NECTIN1: variants seen among roughly 807,000 people sequenced by gnomAD.
The protein encoded by NECTIN1 is nectin-1.
In NECTIN1, 23 loss-of-function variants were observed where a neutral mutation model predicts 48.0. The ratio of observed to expected loss-of-function variants is 0.48; its 90% confidence interval spans 0.34 to 0.68. The LOEUF (loss-of-function observed/expected upper bound fraction) is 0.68, where lower values mean the gene tolerates loss of function less well. Ranked by LOEUF, NECTIN1 falls within the 30% of genes least tolerant of loss-of-function variation. NECTIN1 has a pLI of 0.01. For synonymous variants in NECTIN1, 270 were observed against 288.9 expected (o/e 0.93, Z 0.66); for missense variants, 591 against 709.9 (o/e 0.83, Z 1.90).
chr11:119,694,544 A>G (rs1484141918), intron 1 of NECTIN1, among the ~76,000 whole-genome samples: 1 of 152,196 alleles, frequency 6.6e-6, no homozygotes, highest in Non-Finnish European at 1.5e-5. Context: ...CTCTCATTGC[A>G]GAAGGTTCCT....
chr11:119,661,408 G>C lies in NECTIN1; in HGVS notation c.*3339C>G. 1.0e-6 allele frequency: 1 copy of C among 986,080 alleles called. No homozygotes were observed. Among genetic ancestry groups the C allele is most frequent in the Non-Finnish European group, 1.2e-6 (1 of 830,086 alleles). 61.1% of individuals were successfully genotyped at this position (986,080 alleles called of 1,614,324 possible). A position where few individuals can be genotyped will look rare whatever the true frequency, so the allele number is the denominator to read the frequency against. On this transcript the variant is annotated 3_prime_UTR_variant, in exon 6 of 6. Coordinates refer to ENST00000264025, the MANE Select transcript of NECTIN1 (RefSeq NM_002855.5). ...CTCCTGGCATCCCCGGTACTGGGCA[G>C]TGTGTGAAGCCTCCCTGTGGGTGTG...
chr11:119,696,876 C>A (rs1285398995), intron 1 of NECTIN1, among the ~76,000 whole-genome samples: 1 of 152,182 alleles, frequency 6.6e-6, no homozygotes, highest in Non-Finnish European at 1.5e-5. Context: ...AGGGAAGAAC[C>A]AATGCTGAGG....
At position 119,727,038 on chromosome 11, in the gene NECTIN1, G is replaced by A. The variant is rs1456395950; in HGVS notation, c.79+1437C>T. ...CCCACCCCCCACATCGAGCAGGGCA[G>A]CACCCCAGGCTTCACGGGTGGAGGC... is the stretch of plus-strand genomic sequence containing the variant. On this transcript the variant is annotated intron_variant, in intron 1 of 5. Coordinates refer to ENST00000264025, the MANE Select transcript of NECTIN1 (RefSeq NM_002855.5). This position sits in a 1 kb window ranked among gnomAD's most constrained non-coding sequence, Gnocchi z 4.1. Among the ~76,000 whole-genome samples, 1 of 152,134 alleles carries A rather than the reference G, an allele frequency of 6.6e-6. No individual in the cohort carries two copies. Among genetic ancestry groups the A allele is most frequent in the African/African-American group, 2.4e-5 (1 of 41,436 alleles).
In NECTIN1 at chr11:119,664,111, A is replaced by G. The variant is rs1184610708; in HGVS notation, c.*636T>C. On this transcript the variant is annotated 3_prime_UTR_variant, in exon 6 of 6. Transcript: ENST00000264025. ...GGCCAATGAGGAAAAAAAATGTAAAACCACCCTCAGCAGGAAAACACTGCC... is the reference window on the plus strand; with the variant it reads ...GGCCAATGAGGAAAAAAAATGTAAAGCCACCCTCAGCAGGAAAACACTGCC... 4.1e-6 allele frequency: 4 copies of G among 985,658 alleles called. No individual in the cohort carries two copies. The African/African-American group carries it at 7.0e-5, about 17-fold the overall frequency. The allele number at this position is 985,658 out of a possible 1,614,324, so 61.1% of individuals were successfully genotyped here. A position where few individuals can be genotyped will look rare whatever the true frequency, so the allele number is the denominator to read the frequency against.
rs1247516936 is a variant in NECTIN1 at position 119,684,835 on chromosome 11, C to G, written c.80-6070G>C. On this transcript the variant is annotated intron_variant, in intron 1 of 5. Coordinates refer to ENST00000264025, the MANE Select transcript of NECTIN1 (RefSeq NM_002855.5). The surrounding 1 kb of genome is among the most constrained non-coding windows in gnomAD (Gnocchi z 5.2). ...GTTTTGCCAATCAGTGTCACCTAGA[C>G]TCCGATCATTCTGTCAGCAAAACCC... is the stretch of plus-strand genomic sequence containing the variant. 6.6e-6 allele frequency among the ~76,000 whole-genome samples: 1 copy of G among 152,090 alleles called. No homozygotes were observed. The highest frequency in any genetic ancestry group is 1.5e-5 in the Non-Finnish European group (1 of 68,002).
chr11:119,712,938 C>T (rs1335466147), intron 1 of NECTIN1: 1 of 152,216 alleles, frequency 6.6e-6, no homozygotes, highest in Non-Finnish European at 1.5e-5. Flanking sequence ...TGACTGACCT[C>T]ACCTAAAGCA....
chr11:119,689,695 A>G (rs941344234), intron 1 of NECTIN1, among the ~76,000 whole-genome samples: 1 of 152,206 alleles, frequency 6.6e-6, no homozygotes, highest in Non-Finnish European at 1.5e-5. Flanking sequence ...GGTGGGGGCC[A>G]CTGGAGCAAC....
chr11:119,660,750 G>A (rs1313069757), downstream of NECTIN1, among the ~76,000 whole-genome samples: 2 of 152,088 alleles, frequency 1.3e-5, no homozygotes, highest in African/African-American at 4.8e-5. Context: ...GTCTGTGGAC[G>A]CCCACCCCTC....
rs564233517 is a variant in NECTIN1, at chr11:119,700,098, T to C, written c.80-21333A>G. Among the ~76,000 whole-genome samples, 171 of 152,292 alleles carry C rather than the reference T, an allele frequency of 1.1e-3. 1 individual carries two copies. Among genetic ancestry groups the C allele is most frequent in the African/African-American group, 3.7e-3 (154 of 41,574 alleles). The stretch of plus-strand genomic sequence containing the variant: ...GATTCGAGGCCCTGAAACAGGACTC[T>C]ATGTCTCCTGCTGGGGTGAGGGCCC... On this transcript the variant is annotated intron_variant, in intron 1 of 5. Transcript: ENST00000264025.
intron 1 of NECTIN1, among the ~76,000 whole-genome samples, chr11:119,679,610 G>T (rs1210795644): frequency 6.6e-6 from 1 of 151,856 alleles, no homozygotes; most frequent in Admixed American, 6.6e-5. Flanking sequence ...ACCAGACTGG[G>T]CCCATCCTCA....
chr11:119,639,753 C>A, intron 6 of NECTIN1: 1 of 1,408,144 alleles, frequency 7.1e-7, no homozygotes, highest in Non-Finnish European at 9.9e-7. Flanking sequence ...GGTGGGGAGG[C>A]CCTAGAAAGG....
rs767104771 is a variant in NECTIN1 at position 119,672,167 on chromosome 11, C to T, written c.1003+2992G>A. 1.3e-4 allele frequency among the ~76,000 whole-genome samples: 20 copies of T among 151,588 alleles called. No homozygotes were observed. The South Asian group carries it at 1.7e-3, about 13-fold the overall frequency. On this transcript the variant is annotated intron_variant, in intron 5 of 5. Transcript: ENST00000264025. This position sits in a 1 kb window ranked among gnomAD's most constrained non-coding sequence, Gnocchi z 4.3. ...CACTGGAAATGTGAGTTGGGACAGA[C>T]GCCCTGCACCCTGGGATGGACATCC... is the stretch of plus-strand genomic sequence containing the variant.
downstream of NECTIN1, among the ~76,000 whole-genome samples, chr11:119,659,962 G>T (rs60008550): frequency 0.064 from 9,760 of 152,228 alleles, 976 homozygotes; most frequent in African/African-American, 0.21. Flanking sequence ...TCTAAACACA[G>T]CCCCTTCTAG....
At chr11:119,699,119 A>G (rs1865391205) in intron 1 of NECTIN1, among the ~76,000 whole-genome samples, 1 of 152,116 alleles carries the variant, frequency 6.6e-6, no homozygotes, top group Non-Finnish European at 1.5e-5. Context: ...CTCTGCAAAG[A>G]GCTAGGATCA....
intron 5 of NECTIN1, among the ~76,000 whole-genome samples, chr11:119,648,909 C>T (rs1304088142): frequency 6.6e-6 from 1 of 152,178 alleles, no homozygotes; most frequent in Admixed American, 6.5e-5. Flanking sequence ...CCTGGCCTCC[C>T]TTCCTGGGGC....
intron 1 of NECTIN1, among the ~76,000 whole-genome samples, chr11:119,716,374 C>T (rs1281603046): frequency 6.6e-6 from 1 of 152,076 alleles, no homozygotes; most frequent in Non-Finnish European, 1.5e-5. Context: ...TCCAGCGGTG[C>T]GAAGGCTTTC....
intron 1 of NECTIN1, among the ~76,000 whole-genome samples, chr11:119,712,473 C>G (rs1366529941): frequency 6.6e-6 from 1 of 152,176 alleles, no homozygotes; most frequent in Admixed American, 6.5e-5. Context: ...CCAGTTCATC[C>G]ATCACTACTG....
At chr11:119,728,277 C>T (rs1865950087) in intron 1 of NECTIN1, among the ~76,000 whole-genome samples, 198 bp downstream of exon 1, 1 of 152,260 alleles carries the variant, frequency 6.6e-6, no homozygotes, top group Admixed American at 6.5e-5. Context: ...GTGCATCTGA[C>T]TGCTTCCCTG....
chr11:119,702,868 T>A (rs1157854853), intron 1 of NECTIN1, among the ~76,000 whole-genome samples: 5 of 152,164 alleles, frequency 3.3e-5, no homozygotes, highest in Admixed American at 3.3e-4. Flanking sequence ...TCTCTTCCTC[T>A]TTTTTTCCTC....
Sources: allele counts gnomAD v4.1 joint callset (sites outside exome capture counted in the v4.1 genomes callset), GRCh38; gene constraint gnomAD v4.1.1; non-coding constraint Gnocchi (gnomAD v3.1); transcripts MANE v1.5; gene names NCBI Gene and HGNC (gene_info 2026-07-23, HGNC 2026-07-21).